ARMH3: variants seen among roughly 807,000 people sequenced by gnomAD.
ARMH3 encodes the protein armadillo like helical domain containing 3, also known as armadillo-like helical domain-containing protein 3.
In ARMH3, 60 loss-of-function variants were observed where a neutral mutation model predicts 99.1. That is an observed-to-expected ratio of 0.61 (90% confidence interval 0.49 to 0.75). The LOEUF (loss-of-function observed/expected upper bound fraction) is 0.75. Ranked by LOEUF, ARMH3 falls within the 30% of genes least tolerant of loss-of-function variation. The pLI is 0.00. For missense variants in ARMH3, 679 were observed against 843.1 expected (o/e 0.81, Z 2.41); for synonymous variants, 285 against 292.8 (o/e 0.97, Z 0.27).
At chr10:102,024,818 C>CA (rs200581743) in intron 6 of ARMH3, among the ~76,000 whole-genome samples, 283 of 101,196 alleles carry the variant, frequency 2.8e-3, no homozygotes, top group Middle Eastern at 0.011. Context: ...GACTCTGTCT[C>CA]AAAAAAAAAA....
intron 20 of ARMH3, among the ~76,000 whole-genome samples, chr10:101,964,172 G>A (rs1032694557): frequency 2.6e-5 from 4 of 152,042 alleles, no homozygotes; most frequent in Admixed American, 2.0e-4. Context: ...CACTGCGCCC[G>A]GCAATTTTTG....
intron 14 of ARMH3, 139 bp downstream of exon 14, chr10:102,006,401 G>A: frequency 1.3e-6 from 1 of 786,008 alleles, no homozygotes; most frequent in Non-Finnish European, 2.0e-6. Flanking sequence ...AAATTTAGGA[G>A]GCCTGAAGGA....
intron 8 of ARMH3, among the ~76,000 whole-genome samples, chr10:102,016,967 T>C (rs2066763025): frequency 6.6e-6 from 1 of 152,228 alleles, no homozygotes; most frequent in Non-Finnish European, 1.5e-5. Context: ...ATTTACTACA[T>C]GGTATCTTTT....
Position 101,944,273 on chromosome 10 carries a change from T to TAGAGAG in ARMH3, c.1706-4341_1706-4336dup, listed in dbSNP as rs55633048. On this transcript the variant is annotated intron_variant, in intron 22 of 25. Coordinates refer to ENST00000370033, the MANE Select transcript of ARMH3 (RefSeq NM_024541.3). Reference sequence around the variant, plus strand: ...ATATATATATATATATATATATATATAGAGAGAGAGAGAGAGAGAGAGAGA... The same window carrying TAGAGAG: ...ATATATATATATATATATATATATATAGAGAGAGAGAGAGAGAGAGAGAGAGAGAGA... Among the ~76,000 whole-genome samples, 32 of 25,408 alleles carry TAGAGAG rather than the reference T, an allele frequency of 1.3e-3. 1 individual carries two copies. Among genetic ancestry groups the TAGAGAG allele is most frequent in the Non-Finnish European group, 1.8e-3 (27 of 15,126 alleles). 16.7% of individuals were successfully genotyped at this position (25,408 alleles called of 152,430 possible). A position where few individuals can be genotyped will look rare whatever the true frequency, so the allele number is the denominator to read the frequency against.
intron 23 of ARMH3, among the ~76,000 whole-genome samples, chr10:101,906,409 T>C (rs769339046): frequency 6.6e-6 from 1 of 152,166 alleles, no homozygotes; most frequent in Non-Finnish European, 1.5e-5. Context: ...AAATCCAACT[T>C]GTGACTGAAC....
intron 20 of ARMH3, among the ~76,000 whole-genome samples, chr10:101,972,769 C>T (rs900099507): frequency 5.3e-5 from 8 of 152,188 alleles, no homozygotes; most frequent in African/African-American, 1.7e-4. Context: ...AAGGAGCTAA[C>T]GTCAACTTAG....
chr10:102,044,252 T>C (rs1456253570), intron 1 of ARMH3, among the ~76,000 whole-genome samples: 2 of 151,930 alleles, frequency 1.3e-5, no homozygotes, highest in African/African-American at 4.8e-5. Flanking sequence ...TTTTGTTGTA[T>C]TTTTAGTAGA....
chr10:102,036,313 C>T lies in ARMH3; in HGVS notation c.103-2974G>A, dbSNP rs1256541201. Among the ~76,000 whole-genome samples, 7 of 147,930 alleles carry T rather than the reference C, an allele frequency of 4.7e-5. No homozygotes were observed. In the South Asian group the frequency reaches 8.5e-4, roughly 18 times the overall value. ...CCAGGAGGTGGGGGGCGCCTCTGCCCGGCCGCCCCTTCTGGGAAGTGAGGA... is the reference window on the plus strand; with the variant it reads ...CCAGGAGGTGGGGGGCGCCTCTGCCTGGCCGCCCCTTCTGGGAAGTGAGGA... On this transcript the variant is annotated intron_variant, in intron 2 of 25. Coordinates refer to ENST00000370033, the MANE Select transcript of ARMH3 (RefSeq NM_024541.3).
chr10:102,025,113 C>T, intron 6 of ARMH3, 43 bp downstream of exon 6: 1 of 1,494,690 alleles, frequency 6.7e-7, no homozygotes, highest in Non-Finnish European at 9.3e-7. Flanking sequence ...ACAGGATTGC[C>T]CCTCCTGTCA....
Position 102,033,157 on chromosome 10 carries a change from G to C in ARMH3, c.175C>G (p.Leu59Val). Residue 59 changes from leucine (L) to valine (V), a missense_variant, in exon 4 of 26, where the codon CTA becomes GTA. Around this residue, in one of 3 missense-constraint regions of ARMH3, gnomAD observed 280 missense variants for 354.6 expected, o/e 0.79. Transcript: ENST00000370033. ...LFLMKVNLEYLEGKLESLDGE... is the reference protein window; with the variant it reads ...LFLMKVNLEYVEGKLESLDGE... ...TCAAGAGATTCCAGCTTGCCTTCTA[G>C]GTACTCTAAATTCACCTGCCAAGGA... The C allele has an allele frequency of 6.2e-7, 1 of 1,614,146 alleles. No individual in the cohort carries two copies. Among genetic ancestry groups the C allele is most frequent in the Non-Finnish European group, 8.5e-7 (1 of 1,180,030 alleles).
At chr10:101,988,032 T>C (rs1240431211) in intron 19 of ARMH3, among the ~76,000 whole-genome samples, 1 of 152,238 alleles carries the variant, frequency 6.6e-6, no homozygotes, top group East Asian at 1.9e-4. Context: ...AGAGGCCCTA[T>C]GCCAAAACTA....
intron 20 of ARMH3, among the ~76,000 whole-genome samples, chr10:101,966,091 C>A (rs1384528999): frequency 6.8e-6 from 1 of 146,440 alleles, no homozygotes; most frequent in Non-Finnish European, 1.5e-5. Context: ...ATTTTTTTTT[C>A]TTTTTCTTTT....
chr10:102,053,193 TA>T (rs1212415734), intron 1 of ARMH3, among the ~76,000 whole-genome samples: 2 of 79,490 alleles, frequency 2.5e-5, no homozygotes, highest in African/African-American at 1.0e-4. Flanking sequence ...CTCCCTAACT[TA>T]AAAAAAACTC....
chr10:101,883,553 T>C (rs901118135), intron 24 of ARMH3, among the ~76,000 whole-genome samples: 1 of 152,142 alleles, frequency 6.6e-6, no homozygotes, highest in Non-Finnish European at 1.5e-5. Context: ...CATTGCCTCA[T>C]CAAGACAGGA....
intron 19 of ARMH3, 45 bp from the exon 20 acceptor site, chr10:101,975,345 G>C: frequency 6.8e-7 from 1 of 1,472,582 alleles, no homozygotes; most frequent in South Asian, 1.1e-5. Flanking sequence ...TGAGAATATA[G>C]TGCAACTCAC....
chr10:101,940,214 G>A (rs971447379), intron 22 of ARMH3, among the ~76,000 whole-genome samples: 20 of 151,996 alleles, frequency 1.3e-4, no homozygotes, highest in Admixed American at 8.5e-4. Context: ...TCTGCTAACC[G>A]GGTTCCATAA....
intron 23 of ARMH3, among the ~76,000 whole-genome samples, chr10:101,892,399 C>T (rs1169581193): frequency 6.6e-6 from 1 of 152,120 alleles, no homozygotes; most frequent in African/African-American, 2.4e-5. Flanking sequence ...GATGAGGCTG[C>T]AGTGAGTGGT....
At chr10:101,993,897 C>G (rs913349460) in intron 16 of ARMH3, among the ~76,000 whole-genome samples, 17 of 152,192 alleles carry the variant, frequency 1.1e-4, no homozygotes, top group African/African-American at 3.1e-4. Flanking sequence ...ATCTGTTTTC[C>G]TATTCCCTCT....
chr10:101,885,507 C>T (rs1007528644), intron 24 of ARMH3, among the ~76,000 whole-genome samples: 1 of 152,052 alleles, frequency 6.6e-6, no homozygotes, highest in African/African-American at 2.4e-5. Flanking sequence ...ATACATGATG[C>T]TAAGTGAAAT....
Sources: gnomAD v4.1 joint callset for allele counts (sites outside exome capture counted in the v4.1 genomes callset) on GRCh38, gnomAD v4.1.1 for gene constraint, gnomAD v4.1.1 regional missense constraint, MANE v1.5 for transcripts, NCBI Gene and HGNC (gene_info 2026-07-23, HGNC 2026-07-21) for gene names.